Variants in ASIC2 observed in about 807,000 individuals in gnomAD.
ASIC2 encodes acid sensing ion channel subunit 2.
In ASIC2, 25 loss-of-function variants were observed where a neutral mutation model predicts 57.3. That is an observed-to-expected ratio of 0.44 (90% CI 0.32 to 0.61). The LOEUF is 0.61. ASIC2 is among the 20% of genes least tolerant of loss of function. ASIC2 has a pLI of 0.06. For missense variants in ASIC2, 641 were observed against 738.1 expected (o/e 0.87, Z 1.52); for synonymous variants, 319 against 307.5 (o/e 1.04, Z -0.39).
chr17:33,381,914 G>T (rs560409405), intron 1 of ASIC2, among the ~76,000 whole-genome samples: 1 of 152,240 alleles, frequency 6.6e-6, no homozygotes, highest in Admixed American at 6.5e-5. Flanking sequence ...CAAAGTGAGG[G>T]ATACACACTG....
At chr17:33,634,514 C>CTT (rs71144891) in intron 1 of ASIC2, among the ~76,000 whole-genome samples, 29 of 118,492 alleles carry the variant, frequency 2.4e-4, no homozygotes, top group African/African-American at 3.0e-4. Context: ...ACTTTTTTTT[C>CTT]TTTTTTTTTT....
At chr17:33,568,237 G>C (rs1334310296) in intron 1 of ASIC2, among the ~76,000 whole-genome samples, 8 of 152,192 alleles carry the variant, frequency 5.3e-5, no homozygotes. Context: ...AGATGTGATA[G>C]CTTGTTCCCA....
At chr17:33,297,274 G>T (rs1014306376), upstream of ASIC2, among the ~76,000 whole-genome samples, 2 of 152,092 alleles carry the variant, frequency 1.3e-5, no homozygotes, top group Admixed American at 6.5e-5. Context: ...GAATCTCCTC[G>T]CAATGTGATC....
At chr17:33,463,524 G>C (rs1912711322) in intron 1 of ASIC2, among the ~76,000 whole-genome samples, 1 of 152,230 alleles carries the variant, frequency 6.6e-6, no homozygotes. Context: ...GCAGTTGGCT[G>C]TGTCTCCCCC....
intron 1 of ASIC2, among the ~76,000 whole-genome samples, chr17:33,634,206 G>A (rs1211078347): frequency 6.6e-6 from 1 of 152,188 alleles, no homozygotes; most frequent in Non-Finnish European, 1.5e-5. Context: ...CCCACATTCT[G>A]ACAGTGCCAT....
chr17:33,335,783 G>A (rs968776763), intron 1 of ASIC2, among the ~76,000 whole-genome samples: 1 of 152,178 alleles, frequency 6.6e-6, no homozygotes, highest in Non-Finnish European at 1.5e-5. Flanking sequence ...TCATACACTT[G>A]AGGAGCACTT....
intron 3 of ASIC2, among the ~76,000 whole-genome samples, chr17:33,048,171 G>C (rs937706947): frequency 2.6e-5 from 4 of 152,202 alleles, no homozygotes; most frequent in Non-Finnish European, 1.5e-5. Flanking sequence ...AAGCCTGGAA[G>C]AGAGTCCTCA....
intron 1 of ASIC2, among the ~76,000 whole-genome samples, chr17:33,302,644 A>C (rs2142195805): frequency 6.6e-6 from 1 of 152,258 alleles, no homozygotes; most frequent in Non-Finnish European, 1.5e-5. Context: ...ACCTGGCCAA[A>C]CCACTTCCTC....
chr17:33,146,488 C>T (rs145022406), intron 1 of ASIC2, among the ~76,000 whole-genome samples: 407 of 152,326 alleles, frequency 2.7e-3, no homozygotes, highest in African/African-American at 9.6e-3. Context: ...GACTCAACTT[C>T]CTACTATCAA....
chr17:33,821,314 C>T (rs1436634928), intron 1 of ASIC2, among the ~76,000 whole-genome samples: 1 of 152,194 alleles, frequency 6.6e-6, no homozygotes, highest in Non-Finnish European at 1.5e-5. Flanking sequence ...CTCCATCTTA[C>T]TGGTTCAAAA....
chr17:33,374,275 G>A (rs1909195060), intron 1 of ASIC2, among the ~76,000 whole-genome samples: 1 of 152,144 alleles, frequency 6.6e-6, no homozygotes, highest in African/African-American at 2.4e-5. Context: ...GGGATTACAG[G>A]TGTGAGCCAC....
intron 1 of ASIC2, among the ~76,000 whole-genome samples, chr17:33,918,439 G>C (rs1915637363): frequency 6.6e-6 from 1 of 152,118 alleles, no homozygotes; most frequent in Admixed American, 6.5e-5. Context: ...GCATTTACCT[G>C]TATGAAGCAA....
At position 33,590,380 on chromosome 17, in the gene ASIC2, C is replaced by G. The variant is rs542527337; in HGVS notation, c.556-478313G>C. On this transcript the variant is annotated intron_variant, in intron 1 of 9. Transcript: ENST00000359872. ...AGGACCATTGTGAGCCTCCAGTGAC[C>G]TCTCCTGGCCTGAGGAAGCAAAGGG... Among the ~76,000 whole-genome samples the G allele has an allele frequency of 2.0e-5, 3 of 152,224 alleles. No individual in the cohort carries two copies. The East Asian group carries it at 5.8e-4, about 29-fold the overall frequency.
chr17:33,068,931 C>G (rs2141947665), intron 3 of ASIC2, among the ~76,000 whole-genome samples: 1 of 152,148 alleles, frequency 6.6e-6, no homozygotes, highest in South Asian at 2.1e-4. Flanking sequence ...AAGCTGAGGT[C>G]ATGATTTAAG....
intron 1 of ASIC2, among the ~76,000 whole-genome samples, chr17:33,160,891 A>C (rs1309676251): frequency 1.3e-5 from 2 of 152,194 alleles, no homozygotes; most frequent in African/African-American, 4.8e-5. Context: ...AAGTGTGCTT[A>C]GGGTGGACAA....
intron 1 of ASIC2, among the ~76,000 whole-genome samples, chr17:33,265,129 C>A (rs982236562): frequency 6.6e-6 from 1 of 152,184 alleles, no homozygotes; most frequent in Non-Finnish European, 1.5e-5. Flanking sequence ...CTGTAATTCC[C>A]AGATGGGCCA....
intron 3 of ASIC2, among the ~76,000 whole-genome samples, chr17:33,072,152 C>A (rs1157682362): frequency 6.6e-6 from 1 of 152,158 alleles, no homozygotes; most frequent in African/African-American, 2.4e-5. Context: ...AGTCACTGGG[C>A]TCAACCTGGG....
At chr17:34,087,409 G>A (rs1225015777) in intron 1 of ASIC2, among the ~76,000 whole-genome samples, 1 of 152,044 alleles carries the variant, frequency 6.6e-6, no homozygotes, top group Non-Finnish European at 1.5e-5. Flanking sequence ...CGAGAGATCA[G>A]CTGTTAGTCT....
At chr17:34,039,475 C>T in intron 1 of ASIC2, 1 of 1,613,670 alleles carries the variant, frequency 6.2e-7, no homozygotes, top group Non-Finnish European at 8.5e-7. Context: ...TGCAGCACTG[C>T]CATCTAAACC....
Sources: gnomAD v4.1 joint callset for allele counts (sites outside exome capture counted in the v4.1 genomes callset) on GRCh38, gnomAD v4.1.1 for gene constraint, MANE v1.5 for transcripts, NCBI Gene and HGNC (gene_info 2026-07-23, HGNC 2026-07-21) for gene names.